Variants in FRMPD4 observed in about 807,000 individuals in gnomAD.
FRMPD4 encodes the protein FERM and PDZ domain containing 4.
Under a neutral mutation model 94.1 loss-of-function variants are expected in FRMPD4, and 22 were observed. That is an observed-to-expected ratio of 0.23 (90% CI 0.17 to 0.33). FRMPD4 has a LOEUF of 0.33. Among genes scored for constraint, FRMPD4 ranks in the 10% least tolerant of loss-of-function variants. The pLI is 1.00. For synonymous variants in FRMPD4, 631 were observed against 548.6 expected (o/e 1.15, Z -2.10); for missense variants, 1,111 against 1,339.9 (o/e 0.83, Z 2.67).
intron 3 of FRMPD4, among the ~76,000 whole-genome samples, chrX:11,880,753 G>A (rs891944407): frequency 1.8e-5 from 2 of 111,092 alleles, no homozygotes; most frequent in Non-Finnish European, 3.8e-5. Flanking sequence ...AGTGATTCTC[G>A]TGCTTCAGCC....
intron 3 of FRMPD4, among the ~76,000 whole-genome samples, chrX:11,880,753 G>C (rs891944407): frequency 9.0e-6 from 1 of 111,036 alleles, no homozygotes; most frequent in South Asian, 3.8e-4. Flanking sequence ...AGTGATTCTC[G>C]TGCTTCAGCC....
intron 1 of FRMPD4, among the ~76,000 whole-genome samples, chrX:12,235,215 C>T (rs955463128): frequency 1.8e-5 from 2 of 111,770 alleles, no homozygotes; most frequent in South Asian, 3.8e-4. Context: ...TTGAAAGCTG[C>T]GCGTCCCTTC....
chrX:12,645,189 C>T (rs186761735), intron 4 of FRMPD4, among the ~76,000 whole-genome samples: 63 of 109,863 alleles, frequency 5.7e-4, no homozygotes, highest in East Asian at 5.4e-3. Context: ...AATATTCATA[C>T]GGTAGTAGTC....
At chrX:11,934,564 T>A (rs1449238995) in intron 3 of FRMPD4, among the ~76,000 whole-genome samples, 3 of 112,157 alleles carry the variant, frequency 2.7e-5, no homozygotes, top group African/African-American at 9.7e-5. Context: ...GTTCCAGTAG[T>A]TTGTTTTTGC....
At position 12,378,000 on chromosome X, in the gene FRMPD4, C is replaced by T. The variant is rs530193487; in HGVS notation, c.42-120680C>T. Among the ~76,000 whole-genome samples, 10 of 112,464 alleles carry T rather than the reference C, an allele frequency of 8.9e-5. No individual in the cohort carries two copies. In the South Asian group the frequency reaches 3.0e-3, roughly 34 times the overall value. On this transcript the variant is annotated intron_variant, in intron 1 of 16. Coordinates refer to ENST00000675598, the MANE Select transcript of FRMPD4 (RefSeq NM_001368397.1). ...GAAGGCAGGAGCAAGGTTAAGCTAT[C>T]GGTCGCGTTCTCTGCTGTTTATTAG...
intron 10 of FRMPD4, 44 bp downstream of exon 10, chrX:12,702,054 C>T: frequency 8.7e-7 from 1 of 1,149,907 alleles, no homozygotes; most frequent in Non-Finnish European, 1.2e-6. Context: ...AGACATGCCG[C>T]CTCCCTTAGC....
chrX:12,516,035 GCTTT>G (rs1293092003), intron 2 of FRMPD4, among the ~76,000 whole-genome samples: 8 of 111,029 alleles, frequency 7.2e-5, no homozygotes, highest in African/African-American at 9.8e-5. Flanking sequence ...GCTTTTTTCT[GCTTT>G]CTATTTGCTT....
intron 1 of FRMPD4, among the ~76,000 whole-genome samples, chrX:12,404,806 A>G (rs1601905320): frequency 8.9e-6 from 1 of 111,823 alleles, no homozygotes; most frequent in Non-Finnish European, 1.9e-5. Flanking sequence ...AACTTTCTGT[A>G]TGGAACCAAA....
intron 3 of FRMPD4, among the ~76,000 whole-genome samples, chrX:11,882,011 G>A (rs749663644): frequency 1.7e-4 from 19 of 111,603 alleles, no homozygotes; most frequent in Non-Finnish European, 3.2e-4. Flanking sequence ...GAAAGCCAGA[G>A]ACCCAGGCCA....
At chrX:11,833,399 AC>A (rs1179501784) in intron 1 of FRMPD4, among the ~76,000 whole-genome samples, 3 of 112,168 alleles carry the variant, frequency 2.7e-5, no homozygotes, top group Non-Finnish European at 5.6e-5. Flanking sequence ...GAGTATGTTT[AC>A]TTTTGTAAGA....
chrX:12,287,196 GA>G (rs1212777913), intron 1 of FRMPD4, among the ~76,000 whole-genome samples: 4 of 112,272 alleles, frequency 3.6e-5, no homozygotes, highest in Admixed American at 1.9e-4. Flanking sequence ...TGGTTTGGGA[GA>G]AGACAAGTAA....
intron 3 of FRMPD4, among the ~76,000 whole-genome samples, chrX:12,000,371 C>A (rs1268693802): frequency 8.9e-6 from 1 of 111,915 alleles, no homozygotes; most frequent in Non-Finnish European, 1.9e-5. Flanking sequence ...TTAAAATATC[C>A]CTACAACAGT....
At chrX:12,636,790 A>G (rs1211542740) in intron 4 of FRMPD4, among the ~76,000 whole-genome samples, 1 of 112,070 alleles carries the variant, frequency 8.9e-6, no homozygotes, top group Non-Finnish European at 1.9e-5. Context: ...TATTGGATAT[A>G]TTTATATCCA....
chrX:11,988,465 G>A (rs1002319241), intron 3 of FRMPD4, among the ~76,000 whole-genome samples: 1 of 111,983 alleles, frequency 8.9e-6, no homozygotes, highest in Non-Finnish European at 1.9e-5. Flanking sequence ...TTAAATCTAA[G>A]ACCTCAAACT....
intron 5 of FRMPD4, among the ~76,000 whole-genome samples, chrX:12,682,647 T>C: frequency 8.9e-6 from 1 of 112,114 alleles, no homozygotes; most frequent in South Asian, 3.7e-4. Flanking sequence ...TATGCAACAA[T>C]GGTGATTCTC....
At chrX:12,169,114 A>G (rs2056177453) in intron 1 of FRMPD4, among the ~76,000 whole-genome samples, 1 of 112,397 alleles carries the variant, frequency 8.9e-6, no homozygotes, top group Admixed American at 9.4e-5. Context: ...AATAGGCTAG[A>G]CATATGTATA....
chrX:12,136,924 C>CACACACAT (rs200733848), upstream of FRMPD4, among the ~76,000 whole-genome samples: 6 of 104,458 alleles, frequency 5.7e-5, no homozygotes, highest in African/African-American at 2.1e-4. Flanking sequence ...CACACACACA[C>CACACACAT]ATACACACAC....
At chrX:12,029,601 T>G (rs1366328371) in intron 3 of FRMPD4, among the ~76,000 whole-genome samples, 1 of 112,122 alleles carries the variant, frequency 8.9e-6, no homozygotes, top group African/African-American at 3.2e-5. Context: ...TAGTTTTGCA[T>G]TTTACATTTA....
intron 3 of FRMPD4, among the ~76,000 whole-genome samples, chrX:12,066,865 G>A (rs376624844): frequency 1.0e-5 from 1 of 96,496 alleles, no homozygotes; most frequent in African/African-American, 3.7e-5. Context: ...CAAGTTTTTT[G>A]TTTTTGTTTT....
Sources: gnomAD v4.1 joint callset for allele counts (sites outside exome capture counted in the v4.1 genomes callset) on GRCh38, gnomAD v4.1.1 for gene constraint, MANE v1.5 for transcripts, NCBI Gene and HGNC (gene_info 2026-07-23, HGNC 2026-07-21) for gene names.